The following CRACR2A variants were observed in gnomAD, a reference collection of about 807,000 sequenced individuals.
CRACR2A encodes the protein calcium release activated channel regulator 2A, also known as EF-hand calcium-binding domain-containing protein 4B.
CRACR2A carries 79 observed loss-of-function variants against 90.5 expected under a neutral mutation model. The observed-to-expected ratio is 0.87, with a 90% CI of 0.73 to 1.05. CRACR2A has a LOEUF of 1.05. Among genes scored for constraint, CRACR2A ranks in the 50% least tolerant of loss-of-function variants. The probability of loss-of-function intolerance (pLI) is 0.00; values close to 1 mark genes in which losing one functional copy is unlikely to be tolerated. For missense variants in CRACR2A, 823 were observed against 897.2 expected (o/e 0.92, Z 1.06); for synonymous variants, 338 against 356.7 (o/e 0.95, Z 0.59).
intron 10 of CRACR2A, among the ~76,000 whole-genome samples, 184 bp downstream of exon 10, chr12:3,654,028 A>C (rs1224768860): frequency 6.6e-6 from 1 of 152,230 alleles, no homozygotes; most frequent in Non-Finnish European, 1.5e-5. Flanking sequence ...AATGCTGGAC[A>C]CAGAACTGGT....
At chr12:3,752,752 T>C (rs1056736812) in intron 1 of CRACR2A, 3 of 152,384 alleles carry the variant, frequency 2.0e-5, no homozygotes, top group Admixed American at 6.5e-5. Flanking sequence ...CCTAAGGTCC[T>C]TTCCTGACCA....
intron 2 of CRACR2A, among the ~76,000 whole-genome samples, chr12:3,720,951 C>T (rs1315379174): frequency 6.6e-6 from 1 of 152,186 alleles, no homozygotes; most frequent in African/African-American, 2.4e-5. Context: ...ATGCAGGATG[C>T]AGAACTCACT....
chr12:3,670,164 T>C (rs559804031), intron 7 of CRACR2A, among the ~76,000 whole-genome samples: 17 of 152,308 alleles, frequency 1.1e-4, no homozygotes, highest in African/African-American at 4.1e-4. Flanking sequence ...AGCTACTGGT[T>C]ACACACAGAC....
At chr12:3,707,645 CA>C (rs1194699464) in intron 3 of CRACR2A, among the ~76,000 whole-genome samples, 3 of 152,220 alleles carry the variant, frequency 2.0e-5, no homozygotes, top group African/African-American at 7.2e-5. Context: ...GAAACTGCTA[CA>C]AAATTTATCA....
chr12:3,638,760 T>C (rs1275983295), intron 13 of CRACR2A, among the ~76,000 whole-genome samples: 2 of 152,212 alleles, frequency 1.3e-5, no homozygotes, highest in Non-Finnish European at 1.5e-5. Context: ...GAATACTTGA[T>C]TTAGTGGGGG....
intron 8 of CRACR2A, among the ~76,000 whole-genome samples, chr12:3,656,653 T>A (rs1323810202): frequency 1.3e-5 from 2 of 152,090 alleles, no homozygotes; most frequent in African/African-American, 4.8e-5. Flanking sequence ...CCATGTTCAA[T>A]GACTGTGCAC....
chr12:3,629,854 G>A (rs931780955), intron 15 of CRACR2A, among the ~76,000 whole-genome samples: 9 of 151,254 alleles, frequency 6.0e-5, no homozygotes, highest in East Asian at 2.0e-4. Context: ...GACAAGGGGG[G>A]GGGGGGATGA....
chr12:3,673,375 A>C (rs1945284522), intron 7 of CRACR2A, 71 bp downstream of exon 7: 1 of 1,539,890 alleles, frequency 6.5e-7, no homozygotes. Context: ...AGAAGATCTA[A>C]GAGAAAGTGC....
At chr12:3,661,923 C>G (rs1257994376) in intron 7 of CRACR2A, among the ~76,000 whole-genome samples, 1 of 152,192 alleles carries the variant, frequency 6.6e-6, no homozygotes, top group Non-Finnish European at 1.5e-5. Flanking sequence ...GGCATTAATT[C>G]TATAATATAA....
rs370319071 is a variant in CRACR2A, at chr12:3,641,165, G to A, written c.1271+567C>T. 2.6e-5 allele frequency among the ~76,000 whole-genome samples: 4 copies of A among 152,248 alleles called. 1 individual carries two copies. The highest frequency in any genetic ancestry group is 4.8e-5 in the African/African-American group (2 of 41,538). On this transcript the variant is annotated intron_variant, in intron 13 of 19. Coordinates refer to ENST00000440314, the MANE Select transcript of CRACR2A (RefSeq NM_001144958.2). ...TCAAGACCAGCCTGGCCAACATGGA[G>A]AAATCCCATCTTTACTAAAAATACA... is the stretch of plus-strand genomic sequence containing the variant.
chr12:3,681,084 C>T (rs1945441298), intron 4 of CRACR2A, among the ~76,000 whole-genome samples: 1 of 152,220 alleles, frequency 6.6e-6, no homozygotes, highest in African/African-American at 2.4e-5. Flanking sequence ...GAGGCCTCTC[C>T]TGCTGGAGGC....
intron 3 of CRACR2A, among the ~76,000 whole-genome samples, chr12:3,707,847 T>C (rs1358232265): frequency 6.6e-6 from 1 of 152,220 alleles, no homozygotes; most frequent in African/African-American, 2.4e-5. Flanking sequence ...TACAATTCTA[T>C]ATATACCAGA....
chr12:3,701,159 A>C (rs1945828564), intron 3 of CRACR2A, among the ~76,000 whole-genome samples: 1 of 152,044 alleles, frequency 6.6e-6, no homozygotes, highest in African/African-American at 2.4e-5. Flanking sequence ...TATTGAACTA[A>C]ATGGAAAAAA....
At chr12:3,654,544 G>T (rs1944864759) in intron 9 of CRACR2A, 145 bp from the exon 10 acceptor site, 1 of 736,714 alleles carries the variant, frequency 1.4e-6, no homozygotes, top group South Asian at 2.1e-5. Context: ...AATCAGCATT[G>T]TCCTCTCCTC....
chr12:3,627,750 G>A (rs1168428694), intron 15 of CRACR2A, 44 bp from the exon 16 acceptor site: 4 of 1,519,898 alleles, frequency 2.6e-6, no homozygotes, highest in Non-Finnish European at 3.6e-6. Context: ...TGGGCCAGGG[G>A]CACCTCACTT....
At chr12:3,684,573 T>C (rs1945519188) in intron 4 of CRACR2A, among the ~76,000 whole-genome samples, 2 of 152,088 alleles carry the variant, frequency 1.3e-5, no homozygotes, top group Admixed American at 6.5e-5. Flanking sequence ...CCTCCATACA[T>C]TGTGTAAGGA....
rs1934624648 is a variant in CRACR2A at position 3,711,572 on chromosome 12, T to C, written c.-37+1665A>G. 6.6e-6 allele frequency among the ~76,000 whole-genome samples: 1 copy of C among 152,212 alleles called. No individual in the cohort carries two copies. The highest frequency in any genetic ancestry group is 6.5e-5 in the Admixed American group (1 of 15,280). On this transcript the variant is annotated intron_variant, in intron 3 of 19. Transcript: ENST00000440314. The surrounding 1 kb of genome is among the most constrained non-coding windows in gnomAD (Gnocchi z 4.3). ...ATCAGAATGGCTTTTATCATCCATA[T>C]TCCCACCAGTGTACTGTTCAGGATG...
intron 4 of CRACR2A, among the ~76,000 whole-genome samples, chr12:3,694,871 G>A (rs1396914599): frequency 6.6e-6 from 1 of 152,248 alleles, no homozygotes; most frequent in Non-Finnish European, 1.5e-5. Context: ...AATAAATGCT[G>A]TGGATGCCAA....
intron 10 of CRACR2A, among the ~76,000 whole-genome samples, chr12:3,651,960 C>G (rs937684702): frequency 2.6e-5 from 4 of 152,184 alleles, no homozygotes; most frequent in African/African-American, 9.7e-5. Flanking sequence ...CTCCTGGCCT[C>G]CCTGGACGGG....
Sources: allele counts gnomAD v4.1 joint callset (sites outside exome capture counted in the v4.1 genomes callset), GRCh38; gene constraint gnomAD v4.1.1; non-coding constraint Gnocchi (gnomAD v3.1); transcripts MANE v1.5; gene names NCBI Gene and HGNC (gene_info 2026-07-23, HGNC 2026-07-21).